WWOX: variants seen among roughly 807,000 people sequenced by gnomAD.
WWOX encodes the protein WW domain-containing oxidoreductase.
WWOX carries 69 observed loss-of-function variants against 46.2 expected under a neutral mutation model. The observed-to-expected ratio is 1.49, with a 90% CI of 1.23 to 1.82. The LOEUF is 1.82. Among genes scored for constraint, WWOX ranks in the 40% most tolerant of loss-of-function variants. The pLI is 0.00. For missense variants in WWOX, 919 were observed against 542.6 expected, an observed-to-expected ratio of 1.69 and a Z score of -6.89; for synonymous variants, 359 against 202.6, an observed-to-expected ratio of 1.77 and a Z score of -6.56.
At chr16:78,978,978 A>C (rs997103414) in intron 8 of WWOX, among the ~76,000 whole-genome samples, 1 of 152,084 alleles carries the variant, frequency 6.6e-6, no homozygotes. Context: ...TACACCTTGA[A>C]GCAGGTGCAA....
rs116290708 is a variant in WWOX at position 78,110,949 on chromosome 16, G to C, written c.230+1114G>C. On this transcript the variant is annotated intron_variant, in intron 3 of 8. Coordinates refer to ENST00000566780, the MANE Select transcript of WWOX (RefSeq NM_016373.4). ...CTGTCAACATTTAAATTAGAAGCTT[G>C]AATAGTCTTTGACAGGATTAGGATT... is the stretch of plus-strand genomic sequence containing the variant. 5.8e-3 allele frequency among the ~76,000 whole-genome samples: 890 copies of C among 152,246 alleles called. 10 individuals carry two copies. Among genetic ancestry groups the C allele is most frequent in the African/African-American group, 0.021 (862 of 41,538 alleles).
rs562424382 is a variant in WWOX, at chr16:78,828,066, G to C, written c.1057-383542G>C. On this transcript the variant is annotated intron_variant, in intron 8 of 8. Transcript: ENST00000566780. ...CAGGCATTGGCAACTGGGAGCCCTG[G>C]TGTGTCTATTAGCTCCTCAGGCTGT... 6.6e-5 allele frequency among the ~76,000 whole-genome samples: 10 copies of C among 152,240 alleles called. No individual in the cohort carries two copies. The South Asian group carries it at 1.9e-3, about 28-fold the overall frequency.
chr16:78,444,824 C>T (rs2151401491), intron 8 of WWOX, among the ~76,000 whole-genome samples: 1 of 152,278 alleles, frequency 6.6e-6, no homozygotes, highest in South Asian at 2.1e-4. Flanking sequence ...GCCACCGCAC[C>T]CGGCCTATGA....
intron 8 of WWOX, among the ~76,000 whole-genome samples, chr16:78,538,218 CAAAAAAAAAAAA>C (rs67413792): frequency 4.8e-4 from 29 of 60,034 alleles, no homozygotes; most frequent in African/African-American, 2.1e-3. Context: ...TCACTCACAC[CAAAAAAAAAAAA>C]AAAAAAAAAA....
At chr16:78,850,347 T>C (rs1353502694) in intron 8 of WWOX, among the ~76,000 whole-genome samples, 1 of 152,178 alleles carries the variant, frequency 6.6e-6, no homozygotes, top group Non-Finnish European at 1.5e-5. Flanking sequence ...TGATACTACA[T>C]CCCGAGTGTT....
At chr16:78,424,825 TTG>T in intron 6 of WWOX, 43 bp from the exon 7 acceptor site, 2 of 1,608,694 alleles carry the variant, frequency 1.2e-6, no homozygotes, top group South Asian at 2.2e-5. Flanking sequence ...TTATCCTTGG[TTG>T]TAGTGTTTAT....
intron 8 of WWOX, among the ~76,000 whole-genome samples, chr16:78,547,765 T>G (rs2044076324): frequency 6.6e-6 from 1 of 152,100 alleles, no homozygotes; most frequent in Non-Finnish European, 1.5e-5. Flanking sequence ...TCTGGCCTCT[T>G]TTAAGCCCTT....
intron 8 of WWOX, among the ~76,000 whole-genome samples, chr16:78,723,132 C>G (rs28711881): frequency 0.12 from 18,334 of 152,162 alleles, 1,689 homozygotes; most frequent in African/African-American, 0.24. Context: ...AAGATCATCC[C>G]GTCAACTGCT....
intron 8 of WWOX, among the ~76,000 whole-genome samples, chr16:79,002,759 G>A (rs916146381): frequency 1.3e-5 from 2 of 152,136 alleles, no homozygotes; most frequent in African/African-American, 4.8e-5. Context: ...GGTTCTCCCT[G>A]TCTATAAGGG....
chr16:78,330,605 C>T (rs995310010), intron 5 of WWOX, among the ~76,000 whole-genome samples: 40 of 152,274 alleles, frequency 2.6e-4, no homozygotes, highest in East Asian at 7.7e-4. Context: ...CCGTGTTGGC[C>T]GGGATGCTCT....
chr16:78,820,429 A>G (rs141120775), intron 8 of WWOX, among the ~76,000 whole-genome samples: 7 of 152,182 alleles, frequency 4.6e-5, no homozygotes, highest in Admixed American at 6.5e-5. Context: ...TTCCTAATTC[A>G]TTTTCCCATC....
At chr16:78,157,400 A>G (rs1458421969) in intron 4 of WWOX, among the ~76,000 whole-genome samples, 2 of 152,180 alleles carry the variant, frequency 1.3e-5, no homozygotes, top group African/African-American at 4.8e-5. Flanking sequence ...CTCACTGGTG[A>G]TAAGGGGTGA....
intron 8 of WWOX, among the ~76,000 whole-genome samples, chr16:78,832,594 G>A (rs993180231): frequency 9.2e-5 from 14 of 152,232 alleles, no homozygotes; most frequent in African/African-American, 2.9e-4. Flanking sequence ...ATTGGCAGTG[G>A]CATGGAGTGT....
At chr16:78,271,964 A>G (rs926356590) in intron 5 of WWOX, among the ~76,000 whole-genome samples, 5 of 152,174 alleles carry the variant, frequency 3.3e-5, no homozygotes, top group South Asian at 4.1e-4. Context: ...TGGAGGTTCT[A>G]ATCCAGGCTG....
chr16:79,002,732 CACTT>C lies in WWOX; in HGVS notation c.1057-208874_1057-208871del, dbSNP rs1201460044. On this transcript the variant is annotated intron_variant, in intron 8 of 8. Transcript: ENST00000566780. The stretch of plus-strand genomic sequence containing the variant: ...CCCATTTCACAGAGGTGAAAACTGA[CACTT>C]AGTTTTCACCCGGGTTCTCCCTGTC... 3.3e-5 allele frequency among the ~76,000 whole-genome samples: 5 copies of C among 152,292 alleles called. No individual in the cohort carries two copies. In the East Asian group the frequency reaches 5.8e-4, roughly 18 times the overall value.
intron 8 of WWOX, among the ~76,000 whole-genome samples, chr16:78,781,736 C>A (rs534138105): frequency 6.6e-6 from 1 of 152,260 alleles, no homozygotes; most frequent in East Asian, 1.9e-4. Flanking sequence ...GATGGCACCC[C>A]TGCACTCCAG....
intron 4 of WWOX, among the ~76,000 whole-genome samples, chr16:78,126,076 C>T (rs1567586146): frequency 6.6e-6 from 1 of 152,098 alleles, no homozygotes; most frequent in South Asian, 2.1e-4. Flanking sequence ...TTGTGATTAT[C>T]TTTCTGTGTT....
chr16:78,191,667 G>A (rs1241927692), intron 5 of WWOX, among the ~76,000 whole-genome samples: 5 of 152,128 alleles, frequency 3.3e-5, no homozygotes, highest in South Asian at 4.1e-4. Flanking sequence ...TTTCCCACAT[G>A]GGGAAGGTTT....
At chr16:79,050,848 T>C (rs1354162235) in intron 8 of WWOX, among the ~76,000 whole-genome samples, 1 of 152,208 alleles carries the variant, frequency 6.6e-6, no homozygotes, top group Non-Finnish European at 1.5e-5. Context: ...TTAAACTTCT[T>C]GCACTGAGCT....
Sources: allele counts gnomAD v4.1 joint callset (sites outside exome capture counted in the v4.1 genomes callset), GRCh38; gene constraint gnomAD v4.1.1; transcripts MANE v1.5; gene names NCBI Gene and HGNC (gene_info 2026-07-23, HGNC 2026-07-21).